DOCK1: variants seen among roughly 807,000 people sequenced by gnomAD.
The protein encoded by DOCK1 is dedicator of cytokinesis protein 1.
DOCK1 carries 138 observed loss-of-function variants against 262.7 expected under a neutral mutation model. The observed-to-expected ratio is 0.53, with a 90% confidence interval of 0.46 to 0.61. The LOEUF (loss-of-function observed/expected upper bound fraction) is 0.61, where lower values mean the gene tolerates loss of function less well. Among genes scored for constraint, DOCK1 ranks in the 20% least tolerant of loss-of-function variants. The pLI, the probability that DOCK1 is intolerant of heterozygous loss-of-function variation, is 0.00. For synonymous variants in DOCK1, 866 were observed against 867.4 expected (o/e 1.00, Z 0.03); for missense variants, 1,908 against 2,370.7 (o/e 0.80, Z 4.05).
At chr10:127,058,840 A>G (rs1286895063) in intron 22 of DOCK1, among the ~76,000 whole-genome samples, 2 of 151,936 alleles carry the variant, frequency 1.3e-5, no homozygotes, top group Non-Finnish European at 2.9e-5. Flanking sequence ...TTATTATTGT[A>G]TTTCAATTCT....
At position 127,451,468 on chromosome 10, in the gene DOCK1, A is replaced by C. The variant is rs2070967322; in HGVS notation, c.*41A>C. On this transcript the variant is annotated 3_prime_UTR_variant, in exon 52 of 52. Transcript: ENST00000623213. ...TGGAAAGAGTGTGCTGCCCCTCCCC[A>C]TCTCCATGCCCTCTCCTTCTGTGTC... 1 of 1,551,632 alleles carries C rather than the reference A, an allele frequency of 6.4e-7. No homozygotes were observed. The highest frequency in any genetic ancestry group is 8.7e-7 in the Non-Finnish European group (1 of 1,147,914).
chr10:127,244,881 G>A (rs1278553094), intron 27 of DOCK1, among the ~76,000 whole-genome samples: 3 of 152,160 alleles, frequency 2.0e-5, no homozygotes, highest in Non-Finnish European at 4.4e-5. Context: ...TTGTCTAGAA[G>A]ATAAAAGCTT....
At chr10:127,017,840 T>G (rs16906450) in intron 12 of DOCK1, among the ~76,000 whole-genome samples, 1 of 152,180 alleles carries the variant, frequency 6.6e-6, no homozygotes, top group Admixed American at 6.5e-5. Flanking sequence ...GCCGAGCCCC[T>G]GCCTGCCCCG....
rs778430296 is a variant in DOCK1, at chr10:127,043,156, A to G, written c.2193A>G (p.Leu731=). The change falls in exon 21 of 52, where the codon TTA becomes TTG. Residue 731 remains leucine, a synonymous_variant. Coordinates refer to ENST00000623213, the MANE Select transcript of DOCK1 (RefSeq NM_001290223.2). ...TYIKKHFSAT[L]AYTKLTKVLK... ...TTAAGAAACACTTTAGTGCAACGTT[A>G]GCCTACACGTAAGTTCCTACTTTGT... The G allele has an allele frequency of 1.2e-6, 2 of 1,606,808 alleles. No individual in the cohort carries two copies. The highest frequency in any genetic ancestry group is 1.7e-6 in the Non-Finnish European group (2 of 1,176,246).
At chr10:127,339,198 C>G (rs2135727468) in intron 30 of DOCK1, 114 bp downstream of exon 30, 1 of 918,744 alleles carries the variant, frequency 1.1e-6, no homozygotes, top group East Asian at 2.7e-5. Context: ...GTCTCCCATC[C>G]AAGATGCGGA....
chr10:126,985,902 T>C (rs1325889589), intron 4 of DOCK1, among the ~76,000 whole-genome samples: 1 of 152,130 alleles, frequency 6.6e-6, no homozygotes, highest in Non-Finnish European at 1.5e-5. Context: ...TGGAGTGCAA[T>C]GGTACAATCT....
chr10:127,205,451 C>A (rs571910315), intron 27 of DOCK1, among the ~76,000 whole-genome samples: 26 of 152,266 alleles, frequency 1.7e-4, no homozygotes, highest in African/African-American at 5.8e-4. Context: ...TGATATTTTA[C>A]AGAACCTCTA....
chr10:127,204,473 C>T (rs1364645514), intron 27 of DOCK1, among the ~76,000 whole-genome samples: 2 of 152,068 alleles, frequency 1.3e-5, no homozygotes, highest in East Asian at 1.9e-4. Flanking sequence ...TTTTAGTGGA[C>T]TTAGGGTTTC....
chr10:127,064,639 C>T (rs530998714), intron 23 of DOCK1, among the ~76,000 whole-genome samples: 76 of 152,332 alleles, frequency 5.0e-4, no homozygotes, highest in Admixed American at 1.8e-3. Flanking sequence ...GTCACCCCCG[C>T]TCCCCAGGCG....
At chr10:127,047,181 A>G (rs1015694069) in intron 21 of DOCK1, among the ~76,000 whole-genome samples, 2 of 88,726 alleles carry the variant, frequency 2.3e-5, no homozygotes, top group Non-Finnish European at 4.4e-5. Flanking sequence ...CTATTGCTTG[A>G]GGGTCATCCT....
At chr10:126,950,303 C>T (rs1303838594) in intron 1 of DOCK1, among the ~76,000 whole-genome samples, 5 of 151,908 alleles carry the variant, frequency 3.3e-5, no homozygotes, top group Admixed American at 3.3e-4. Flanking sequence ...CAGTTCTTAC[C>T]TGGGATCTTG....
At chr10:127,080,417 C>T (rs3900649) in intron 23 of DOCK1, among the ~76,000 whole-genome samples, 79,184 of 151,878 alleles carry the variant, frequency 0.52, 21,418 homozygotes, top group African/African-American at 0.69. Context: ...CTCCCATAGC[C>T]GACCCCCTCC....
At chr10:127,035,897 G>A (rs1297029359) in intron 18 of DOCK1, among the ~76,000 whole-genome samples, 1 of 151,910 alleles carries the variant, frequency 6.6e-6, no homozygotes, top group African/African-American at 2.4e-5. Context: ...AGCAACTTGG[G>A]AGGCTGTGGT....
chr10:127,250,545 C>G (rs1213629531), intron 28 of DOCK1, among the ~76,000 whole-genome samples: 3 of 152,084 alleles, frequency 2.0e-5, no homozygotes, highest in Non-Finnish European at 2.9e-5. Flanking sequence ...AATCCCAGCA[C>G]TTTGGGAGGT....
chr10:127,066,397 C>T (rs1008617541), intron 23 of DOCK1, among the ~76,000 whole-genome samples: 3 of 152,160 alleles, frequency 2.0e-5, no homozygotes, highest in African/African-American at 7.2e-5. Flanking sequence ...GCTGGACCTG[C>T]CCCTTTTTTC....
At chr10:127,092,848 C>T (rs1221080543) in intron 23 of DOCK1, among the ~76,000 whole-genome samples, 1 of 152,142 alleles carries the variant, frequency 6.6e-6, no homozygotes, top group African/African-American at 2.4e-5. Flanking sequence ...GGAAGGAAAT[C>T]CTAGTCTTTC....
intron 23 of DOCK1, among the ~76,000 whole-genome samples, chr10:127,067,981 GT>G (rs1361164015): frequency 6.6e-6 from 1 of 151,986 alleles, no homozygotes; most frequent in African/African-American, 2.4e-5. Context: ...CTGGGGCACT[GT>G]CCCCAGGGAG....
chr10:126,949,499 T>G (rs948365338), intron 1 of DOCK1, among the ~76,000 whole-genome samples: 1 of 152,164 alleles, frequency 6.6e-6, no homozygotes, highest in Non-Finnish European at 1.5e-5. Context: ...AGACCCATTC[T>G]TGTGAATTCC....
chr10:126,908,302 C>G (rs1297564039), intron 1 of DOCK1, among the ~76,000 whole-genome samples: 1 of 152,136 alleles, frequency 6.6e-6, no homozygotes, highest in Non-Finnish European at 1.5e-5. Context: ...CTGTTTCCAC[C>G]TAAGGGAAAA....
Sources: allele counts gnomAD v4.1 joint callset (sites outside exome capture counted in the v4.1 genomes callset), GRCh38; gene constraint gnomAD v4.1.1; transcripts MANE v1.5; gene names NCBI Gene and HGNC (gene_info 2026-07-23, HGNC 2026-07-21).